Variants in RNF2 observed in about 807,000 individuals in gnomAD.
RNF2 encodes E3 ubiquitin-protein ligase RING2.
Under a neutral mutation model 37.2 loss-of-function variants are expected in RNF2, and 6 were observed. The ratio of observed to expected loss-of-function variants is 0.16; its 90% CI spans 0.09 to 0.32. The LOEUF is 0.32. RNF2 is among the 10% of genes least tolerant of loss of function. RNF2 has a pLI of 1.00. For synonymous variants in RNF2, 133 were observed against 132.7 expected (o/e 1.00, Z -0.02); for missense variants, 251 against 404.0 (o/e 0.62, Z 3.25).
At chr1:185,059,242 C>T (rs1343833609) in intron 1 of RNF2, among the ~76,000 whole-genome samples, 1 of 151,410 alleles carries the variant, frequency 6.6e-6, no homozygotes, top group Non-Finnish European at 1.5e-5. Context: ...AAAAAAAAAC[C>T]TCCGTAATAG....
intron 1 of RNF2, among the ~76,000 whole-genome samples, chr1:185,076,268 GTTT>G (rs71101959): frequency 3.7e-5 from 1 of 27,348 alleles, no homozygotes; most frequent in African/African-American, 1.3e-4. Flanking sequence ...TTTATGGGTT[GTTT>G]TTTTTTTTTT....
At chr1:185,076,677 A>G (rs1028162816) in intron 1 of RNF2, among the ~76,000 whole-genome samples, 1 of 151,584 alleles carries the variant, frequency 6.6e-6, no homozygotes, top group Non-Finnish European at 1.5e-5. Context: ...AAAAGGGTTT[A>G]AATTTTTTTT....
At chr1:185,062,404 C>T (rs1650633544) in intron 1 of RNF2, among the ~76,000 whole-genome samples, 1 of 152,034 alleles carries the variant, frequency 6.6e-6, no homozygotes, top group Non-Finnish European at 1.5e-5. Flanking sequence ...ACATATTTCT[C>T]TCTCTTTTCC....
At chr1:185,046,401 C>T (rs929167570) in intron 1 of RNF2, 14 of 152,258 alleles carry the variant, frequency 9.2e-5, no homozygotes, top group Non-Finnish European at 1.6e-4. Context: ...TGCTAGTACC[C>T]ACTTTTGCCG....
At chr1:185,062,613 A>G (rs1650643152) in intron 1 of RNF2, among the ~76,000 whole-genome samples, 1 of 152,172 alleles carries the variant, frequency 6.6e-6, no homozygotes, top group Non-Finnish European at 1.5e-5. Flanking sequence ...AAGATGCCAT[A>G]GAAGAAAAGT....
intron 1 of RNF2, among the ~76,000 whole-genome samples, chr1:185,076,858 G>C (rs1396221902): frequency 6.6e-6 from 1 of 151,690 alleles, no homozygotes; most frequent in Non-Finnish European, 1.5e-5. Context: ...AAAATACTCT[G>C]GGCATTTTTT....
chr1:185,074,638 C>T (rs1024568927), intron 1 of RNF2, among the ~76,000 whole-genome samples: 3 of 152,116 alleles, frequency 2.0e-5, no homozygotes, highest in African/African-American at 4.8e-5. Context: ...GTCTGCCTTC[C>T]TGTATCAGTG....
At chr1:185,091,479 A>C (rs1026130754) in intron 2 of RNF2, 100 bp from the exon 3 acceptor site, 171 of 1,204,756 alleles carry the variant, frequency 1.4e-4, no homozygotes, top group Non-Finnish European at 5.0e-5. Context: ...TGATGGGTAC[A>C]TATATGTTTG....
intron 1 of RNF2, among the ~76,000 whole-genome samples, chr1:185,048,631 C>T (rs907839500): frequency 6.6e-6 from 1 of 152,090 alleles, no homozygotes; most frequent in African/African-American, 2.4e-5. Flanking sequence ...GCATTTTGGT[C>T]ATTTGTTTTC....
intron 1 of RNF2, among the ~76,000 whole-genome samples, chr1:185,078,727 T>C (rs1221802020): frequency 6.6e-6 from 1 of 151,954 alleles, no homozygotes; most frequent in Non-Finnish European, 1.5e-5. Flanking sequence ...CTGGCCAACA[T>C]GGTGAAACCC....
intron 1 of RNF2, among the ~76,000 whole-genome samples, chr1:185,054,980 A>G (rs888032090): frequency 9.2e-5 from 14 of 152,236 alleles, no homozygotes; most frequent in African/African-American, 1.4e-4. Flanking sequence ...GATTACAGGC[A>G]TGAGCCAATG....
chr1:185,099,214 A>G (rs900842865), intron 5 of RNF2, among the ~76,000 whole-genome samples: 23 of 151,276 alleles, frequency 1.5e-4, no homozygotes, highest in African/African-American at 4.1e-4. Flanking sequence ...CACCTGGCTA[A>G]TTTTTGTATT....
At chr1:185,068,893 A>G (rs1275596527) in intron 1 of RNF2, among the ~76,000 whole-genome samples, 1 of 152,192 alleles carries the variant, frequency 6.6e-6, no homozygotes, top group Non-Finnish European at 1.5e-5. Flanking sequence ...CTCTGTATAG[A>G]CCAGAAAATT....
chr1:185,077,293 T>TC (rs143186287), intron 1 of RNF2, among the ~76,000 whole-genome samples: 1,833 of 151,344 alleles, frequency 0.012, 38 homozygotes, highest in African/African-American at 0.042. Flanking sequence ...CCCATCCTCC[T>TC]CCCCCCTCCC....
chr1:185,102,301 C>CT lies in RNF2; in HGVS notation c.*2001dup, dbSNP rs1310726359. 6.6e-6 allele frequency: 1 copy of CT among 152,044 alleles called. No individual in the cohort carries two copies. Among genetic ancestry groups the CT allele is most frequent in the Non-Finnish European group, 1.5e-5 (1 of 67,984 alleles). The allele number at this position is 152,044 out of a possible 1,614,324, so 9.4% of individuals were successfully genotyped here. On this transcript the variant is annotated 3_prime_UTR_variant, in exon 7 of 7. Coordinates refer to ENST00000367510, the MANE Select transcript of RNF2 (RefSeq NM_007212.4). ...GGAGAGGCGATGCTATTGGCCATCA[C>CT]TACCAACCAGGGTTTCAAAAAGTAT...
At chr1:185,051,960 A>C (rs1219007222) in intron 1 of RNF2, among the ~76,000 whole-genome samples, 1 of 149,472 alleles carries the variant, frequency 6.7e-6, no homozygotes, top group African/African-American at 2.4e-5. Flanking sequence ...TTACATATAT[A>C]TATATATATG....
chr1:185,057,445 G>GT (rs969237457), intron 1 of RNF2, among the ~76,000 whole-genome samples: 4 of 152,022 alleles, frequency 2.6e-5, no homozygotes, highest in East Asian at 1.9e-4. Context: ...TCGTTTATAA[G>GT]TTTTTTTTAA....
chr1:185,099,980 T>TA lies in RNF2; in HGVS notation c.909+19dup, dbSNP rs755975267. On this transcript the variant is annotated intron_variant, in intron 6 of 6. Transcript: ENST00000367510. ...AGTTCACTGTGAGTATTTAAAATAA[T>TA]AGACTGTTGAAACTGGGAGCACACT... The TA allele has an allele frequency of 5.0e-6, 8 of 1,598,144 alleles. No individual in the cohort carries two copies. The highest frequency in any genetic ancestry group is 6.0e-6 in the Non-Finnish European group (7 of 1,168,386).
intron 1 of RNF2, among the ~76,000 whole-genome samples, chr1:185,083,467 G>A (rs1006329858): frequency 2.0e-5 from 3 of 151,868 alleles, no homozygotes; most frequent in African/African-American, 4.8e-5. Context: ...AAGTCTTGAC[G>A]GCAATTTCTC....
Sources: allele counts gnomAD v4.1 joint callset (sites outside exome capture counted in the v4.1 genomes callset), GRCh38; gene constraint gnomAD v4.1.1; transcripts MANE v1.5; gene names NCBI Gene and HGNC (gene_info 2026-07-23, HGNC 2026-07-21).